STAG1: variants seen among roughly 807,000 people sequenced by gnomAD.
The protein encoded by STAG1 is cohesin subunit SA-1.
Under a neutral mutation model 170.9 loss-of-function variants are expected in STAG1, and 26 were observed. The ratio of observed to expected loss-of-function variants is 0.15; its 90% CI spans 0.11 to 0.21. The LOEUF (loss-of-function observed/expected upper bound fraction) is 0.21, where lower values mean the gene tolerates loss of function less well. STAG1 is among the 10% of genes least tolerant of loss of function. The pLI is 1.00. For missense variants in STAG1, 964 were observed against 1,509.5 expected, an observed-to-expected ratio of 0.64 and a Z score of 5.99; for synonymous variants, 514 against 497.7, an observed-to-expected ratio of 1.03 and a Z score of -0.44.
At chr3:136,499,511 GCTT>G (rs1472692223) in intron 9 of STAG1, among the ~76,000 whole-genome samples, 2 of 152,132 alleles carry the variant, frequency 1.3e-5, no homozygotes, top group Non-Finnish European at 2.9e-5. Flanking sequence ...TGAAAACAGT[GCTT>G]CTATTTATTA....
chr3:136,683,077 G>C (rs1942394809), intron 1 of STAG1, among the ~76,000 whole-genome samples: 3 of 152,126 alleles, frequency 2.0e-5, no homozygotes, highest in South Asian at 4.1e-4. Context: ...CATTCAGAGA[G>C]ACAGAAAACA....
At chr3:136,435,169 TA>T (rs2088419717) in intron 15 of STAG1, among the ~76,000 whole-genome samples, 1 of 152,352 alleles carries the variant, frequency 6.6e-6, no homozygotes, top group East Asian at 1.9e-4. Context: ...GCCCTTTTTC[TA>T]AAATTTTGTT....
At chr3:136,396,209 G>GTTTTTTTTTT (rs1157402968) in intron 22 of STAG1, among the ~76,000 whole-genome samples, 3 of 87,952 alleles carry the variant, frequency 3.4e-5, no homozygotes, top group African/African-American at 8.5e-5. Context: ...GTGTAACACA[G>GTTTTTTTTTT]TTTTTTTTTT....
intron 6 of STAG1, among the ~76,000 whole-genome samples, chr3:136,527,746 C>T (rs979120196): frequency 6.6e-6 from 1 of 152,128 alleles, no homozygotes; most frequent in African/African-American, 2.4e-5. Flanking sequence ...ATGATGTTGA[C>T]ATACACATGG....
intron 20 of STAG1, among the ~76,000 whole-genome samples, chr3:136,418,526 GAAATCAACAAAA>G (rs892955698): frequency 7.3e-5 from 11 of 150,678 alleles, no homozygotes; most frequent in African/African-American, 2.2e-4. Flanking sequence ...ATTTATTAAA[GAAATCAACAAAA>G]AAATAAAACC....
At chr3:136,492,912 T>C (rs1335918890) in intron 9 of STAG1, among the ~76,000 whole-genome samples, 3 of 152,080 alleles carry the variant, frequency 2.0e-5, no homozygotes, top group Admixed American at 1.3e-4. Context: ...AGACAAAATA[T>C]ATATGACAAT....
At position 136,398,570 on chromosome 3, in the gene STAG1, CAAA is replaced by C. The variant is rs1263824726; in HGVS notation, c.2277+176_2277+178del. ...TTTGCTTGAAGATTTTGGCTCTTCCCAAAGAGGTAAATGTATACTTACTCATAA... is the reference window on the plus strand; with the variant it reads ...TTTGCTTGAAGATTTTGGCTCTTCCCGAGGTAAATGTATACTTACTCATAA... On this transcript the variant is annotated intron_variant, in intron 22 of 33. Transcript: ENST00000383202. 9.2e-5 allele frequency among the ~76,000 whole-genome samples: 14 copies of C among 151,870 alleles called. 1 individual carries two copies. The South Asian group carries it at 2.9e-3, about 32-fold the overall frequency.
intron 5 of STAG1, among the ~76,000 whole-genome samples, chr3:136,545,135 G>A (rs1039549450): frequency 6.6e-6 from 1 of 151,870 alleles, no homozygotes; most frequent in Non-Finnish European, 1.5e-5. Context: ...TGCAACCTCC[G>A]CCTCCCGGGT....
intron 5 of STAG1, among the ~76,000 whole-genome samples, chr3:136,544,020 C>A (rs1430981183): frequency 6.6e-6 from 1 of 152,072 alleles, no homozygotes; most frequent in Non-Finnish European, 1.5e-5. Context: ...TTTCAAGAGA[C>A]GAGCTACCTC....
At chr3:136,374,828 T>G (rs1245722922) in intron 23 of STAG1, among the ~76,000 whole-genome samples, 1 of 152,208 alleles carries the variant, frequency 6.6e-6, no homozygotes, top group Non-Finnish European at 1.5e-5. Context: ...TCTACAGTGA[T>G]GTATAGTAAT....
chr3:136,714,954 TA>T lies in STAG1; in HGVS notation c.-84+37240del, dbSNP rs1445483802. On this transcript the variant is annotated intron_variant, in intron 1 of 33. Transcript: ENST00000383202. ...TATATATTAAATATATATATATATA[TA>T]TATATATATTTTATATATATATTTT... Among the ~76,000 whole-genome samples the T allele has an allele frequency of 3.6e-4, 24 of 66,094 alleles. No individual in the cohort carries two copies. In the East Asian group the frequency reaches 4.3e-3, roughly 12 times the overall value. The allele number at this position is 66,094 out of a possible 152,430, so 43.4% of individuals were successfully genotyped here.
intron 22 of STAG1, among the ~76,000 whole-genome samples, chr3:136,383,266 T>C (rs532023473): frequency 3.3e-5 from 5 of 152,158 alleles, no homozygotes; most frequent in Admixed American, 6.5e-5. Context: ...TAAAGAACAA[T>C]AGATAATATT....
At chr3:136,719,703 A>G (rs1933113556) in intron 1 of STAG1, among the ~76,000 whole-genome samples, 1 of 148,542 alleles carries the variant, frequency 6.7e-6, no homozygotes, top group South Asian at 2.2e-4. Flanking sequence ...GGATGGATGG[A>G]TGGATCGATC....
chr3:136,427,372 T>C (rs1336832269), intron 16 of STAG1, among the ~76,000 whole-genome samples: 1 of 152,212 alleles, frequency 6.6e-6, no homozygotes, highest in Non-Finnish European at 1.5e-5. Context: ...AAAAGCCCCA[T>C]GACACTAATC....
At chr3:136,488,422 C>A (rs1388565898) in intron 9 of STAG1, among the ~76,000 whole-genome samples, 1 of 152,210 alleles carries the variant, frequency 6.6e-6, no homozygotes, top group Admixed American at 6.5e-5. Context: ...TGCCCCCAGC[C>A]TGAGATAAAT....
intron 14 of STAG1, among the ~76,000 whole-genome samples, chr3:136,450,319 A>G (rs1238756325): frequency 1.3e-5 from 2 of 152,220 alleles, no homozygotes; most frequent in African/African-American, 4.8e-5. Flanking sequence ...CTATTGAATA[A>G]GAACTGGCAT....
At chr3:136,450,569 T>C (rs964440025) in intron 14 of STAG1, among the ~76,000 whole-genome samples, 5 of 152,204 alleles carry the variant, frequency 3.3e-5, no homozygotes, top group Non-Finnish European at 7.3e-5. Context: ...CCTGTTTGTG[T>C]CTCTCTTCCT....
chr3:136,704,465 A>G (rs1943169488), intron 1 of STAG1, among the ~76,000 whole-genome samples: 1 of 152,158 alleles, frequency 6.6e-6, no homozygotes. Context: ...GCAAACAGTA[A>G]CCAAAAGAGA....
chr3:136,593,754 C>T lies in STAG1; in HGVS notation c.297+10555G>A, dbSNP rs866185600. On this transcript the variant is annotated intron_variant, in intron 4 of 33. Coordinates refer to ENST00000383202, the MANE Select transcript of STAG1 (RefSeq NM_005862.3). ...ATTATATGATTTTAAATTCTGTACCCAATATTTTGCACTGTAGCAGTCACA... is the reference window on the plus strand; with the variant it reads ...ATTATATGATTTTAAATTCTGTACCTAATATTTTGCACTGTAGCAGTCACA... Among the ~76,000 whole-genome samples the T allele has an allele frequency of 3.9e-5, 6 of 152,108 alleles. No individual in the cohort carries two copies. In the South Asian group the frequency reaches 1.2e-3, roughly 31 times the overall value.
Sources: allele counts gnomAD v4.1 joint callset (sites outside exome capture counted in the v4.1 genomes callset), GRCh38; gene constraint gnomAD v4.1.1; transcripts MANE v1.5; gene names NCBI Gene and HGNC (gene_info 2026-07-23, HGNC 2026-07-21).